The following KIAA0232 variants were observed in gnomAD, a reference collection of about 807,000 sequenced individuals.
The protein encoded by KIAA0232 is KIAA0232.
Under a neutral mutation model 122.0 loss-of-function variants are expected in KIAA0232, and 27 were observed. The observed-to-expected ratio is 0.22, with a 90% confidence interval of 0.16 to 0.31. The LOEUF (loss-of-function observed/expected upper bound fraction) is 0.31. KIAA0232 is among the 10% of genes least tolerant of loss of function. KIAA0232 has a pLI of 1.00. For synonymous variants in KIAA0232, 613 were observed against 587.6 expected, an observed-to-expected ratio of 1.04 and a Z score of -0.63; for missense variants, 1,551 against 1,634.2, an observed-to-expected ratio of 0.95 and a Z score of 0.88.
At chr4:6,873,987 TGCTCTGAGCCAGGG>T (rs1015278125) in intron 8 of KIAA0232, among the ~76,000 whole-genome samples, 6 of 151,950 alleles carry the variant, frequency 3.9e-5, no homozygotes, top group Admixed American at 1.3e-4. Context: ...AAGCAGTTGC[TGCTCTGAGCCAGGG>T]GCTGACCTGG....
chr4:6,811,747 ATTTTTTTTT>A (rs10709832), intron 2 of KIAA0232, among the ~76,000 whole-genome samples: 41 of 103,896 alleles, frequency 3.9e-4, no homozygotes, highest in African/African-American at 1.2e-3. Flanking sequence ...GCCTGGCCTA[ATTTTTTTTT>A]TTTTTTTTTT....
intron 6 of KIAA0232, among the ~76,000 whole-genome samples, chr4:6,860,097 C>T (rs375376347): frequency 2.5e-4 from 38 of 152,290 alleles, no homozygotes; most frequent in African/African-American, 7.5e-4. Context: ...TAGGCCTCAC[C>T]GACATCCTCT....
At chr4:6,800,021 CTTTT>C (rs1164337554) in intron 1 of KIAA0232, among the ~76,000 whole-genome samples, 3 of 92,706 alleles carry the variant, frequency 3.2e-5, no homozygotes, top group Admixed American at 1.9e-4. Context: ...ACTCTGTTTT[CTTTT>C]TCTTTCTTTC....
chr4:6,796,432 G>A (rs1053485741), intron 1 of KIAA0232, among the ~76,000 whole-genome samples: 31 of 152,128 alleles, frequency 2.0e-4, no homozygotes, highest in African/African-American at 7.2e-4. Context: ...AATAGAGACA[G>A]CATTTTGCCA....
chr4:6,879,656 G>A (rs1721948270), intron 9 of KIAA0232, among the ~76,000 whole-genome samples: 1 of 152,194 alleles, frequency 6.6e-6, no homozygotes, highest in African/African-American at 2.4e-5. Context: ...CTGTGACTGA[G>A]GAGGGGCCAC....
At position 6,844,555 on chromosome 4, in the gene KIAA0232, C is replaced by T. The variant is rs376928866; in HGVS notation, c.369+2351C>T. 3.9e-5 allele frequency among the ~76,000 whole-genome samples: 6 copies of T among 152,246 alleles called. No individual in the cohort carries two copies. The East Asian group carries it at 7.7e-4, about 20-fold the overall frequency. ...GGTTCAAGCGATTCTCCTGCCTCAG[C>T]CTCCCGAGTAGCTGGGATTGCAGGC... On this transcript the variant is annotated intron_variant, in intron 4 of 9. Coordinates refer to ENST00000307659, the MANE Select transcript of KIAA0232 (RefSeq NM_014743.3).
chr4:6,800,011 ACT>A (rs1717307202), intron 1 of KIAA0232, among the ~76,000 whole-genome samples: 1 of 89,828 alleles, frequency 1.1e-5, no homozygotes, highest in Non-Finnish European at 2.5e-5. Context: ...TTTTGCATAT[ACT>A]CTGTTTTCTT....
intron 1 of KIAA0232, among the ~76,000 whole-genome samples, chr4:6,800,510 C>T (rs1052047835): frequency 2.0e-5 from 3 of 151,422 alleles, no homozygotes; most frequent in East Asian, 2.0e-4. Flanking sequence ...GGAGAAACCC[C>T]ATCTCTACTA....
rs545956407 is a variant in KIAA0232 at position 6,867,020 on chromosome 4, G to A, written c.3801+2837G>A. Among the ~76,000 whole-genome samples the A allele has an allele frequency of 7.2e-5, 11 of 152,302 alleles. No homozygotes were observed. The East Asian group carries it at 9.6e-4, about 13-fold the overall frequency. On this transcript the variant is annotated intron_variant, in intron 7 of 9. Coordinates refer to ENST00000307659, the MANE Select transcript of KIAA0232 (RefSeq NM_014743.3). ...TGTATTCTCCAAGGATATTTTTTGC[G>A]CGTATTAACAAGTAAATGTTCACAT...
At position 6,883,898 on chromosome 4, in the gene KIAA0232, A is replaced by G. The variant is rs1722188959; in HGVS notation, c.*2932A>G. On this transcript the variant is annotated 3_prime_UTR_variant, in exon 10 of 10. Coordinates refer to ENST00000307659, the MANE Select transcript of KIAA0232 (RefSeq NM_014743.3). ...GCATACACAGAGAAATTTACATTCA[A>G]GAGTGTACTATACTTGTTCTTCTAT... is the stretch of plus-strand genomic sequence containing the variant. 3 of 152,222 alleles carry G rather than the reference A, an allele frequency of 2.0e-5. No individual in the cohort carries two copies. The highest frequency in any genetic ancestry group is 2.0e-4 in the Admixed American group (3 of 15,288). 9.4% of individuals were successfully genotyped at this position (152,222 alleles called of 1,614,324 possible).
intron 2 of KIAA0232, among the ~76,000 whole-genome samples, chr4:6,811,651 C>T (rs1442982011): frequency 6.6e-6 from 1 of 151,932 alleles, no homozygotes; most frequent in Non-Finnish European, 1.5e-5. Context: ...CACCATGTTG[C>T]CCAGGCTGGT....
chr4:6,838,188 GCT>G (rs1491422351), intron 3 of KIAA0232, among the ~76,000 whole-genome samples: 3 of 100,202 alleles, frequency 3.0e-5, no homozygotes, highest in Non-Finnish European at 4.0e-5. Flanking sequence ...AACAAAGATA[GCT>G]TTTTTTTTTT....
At chr4:6,872,255 G>T (rs893004332) in intron 8 of KIAA0232, among the ~76,000 whole-genome samples, 4 of 152,234 alleles carry the variant, frequency 2.6e-5, no homozygotes, top group African/African-American at 7.2e-5. Context: ...CTATTGGCCA[G>T]GGTTTTAAGC....
At chr4:6,840,527 A>G (rs1026432406) in intron 3 of KIAA0232, among the ~76,000 whole-genome samples, 7 of 152,298 alleles carry the variant, frequency 4.6e-5, no homozygotes, top group Middle Eastern at 3.4e-3. Flanking sequence ...ACAGCATGGA[A>G]AAGTCAATCA....
intron 2 of KIAA0232, among the ~76,000 whole-genome samples, chr4:6,822,176 T>C (rs1013467194): frequency 6.6e-6 from 1 of 152,176 alleles, no homozygotes; most frequent in East Asian, 1.9e-4. Flanking sequence ...TGGAAAATGT[T>C]TTGAAAGTCA....
In KIAA0232 at chr4:6,824,394, C is replaced by T. The variant is rs1193886599; in HGVS notation, c.-60C>T. On this transcript the variant is annotated 5_prime_UTR_variant, in exon 3 of 10. Transcript: ENST00000307659. ...TGGAGTGAAAATCCCCTCCAGATAC[C>T]AACAGAATATCAACTGCAGAAAATG... 9 of 1,351,280 alleles carry T rather than the reference C, an allele frequency of 6.7e-6. No individual in the cohort carries two copies. In the East Asian group the frequency reaches 9.2e-5, roughly 14 times the overall value. The allele number at this position is 1,351,280 out of a possible 1,614,324, so 83.7% of individuals were successfully genotyped here.
intron 3 of KIAA0232, 144 bp from the exon 4 acceptor site, chr4:6,841,923 C>T (rs1001667859): frequency 1.0e-5 from 9 of 886,646 alleles, no homozygotes; most frequent in Non-Finnish European, 1.4e-5. Flanking sequence ...TGCCAGCTCC[C>T]TTCGTCGCAG....
intron 3 of KIAA0232, among the ~76,000 whole-genome samples, chr4:6,839,241 C>T (rs1411383916): frequency 3.3e-5 from 5 of 152,086 alleles, no homozygotes; most frequent in South Asian, 4.1e-4. Flanking sequence ...TTCCCATCAC[C>T]GTCAGGTTTA....
chr4:6,839,304 T>C (rs1443983432), intron 3 of KIAA0232, among the ~76,000 whole-genome samples: 1 of 152,250 alleles, frequency 6.6e-6, no homozygotes, highest in Non-Finnish European at 1.5e-5. Flanking sequence ...AAATTTTACA[T>C]ATAAGGAATA....
Sources: allele counts gnomAD v4.1 joint callset (sites outside exome capture counted in the v4.1 genomes callset), GRCh38; gene constraint gnomAD v4.1.1; transcripts MANE v1.5; gene names NCBI Gene and HGNC (gene_info 2026-07-23, HGNC 2026-07-21).